Variants in ATRN observed in about 807,000 individuals in gnomAD.
ATRN encodes attractin, also known as attractin-2.
Under a neutral mutation model 178.7 loss-of-function variants are expected in ATRN, and 54 were observed. The observed-to-expected ratio is 0.30, with a 90% confidence interval of 0.24 to 0.38. The LOEUF (loss-of-function observed/expected upper bound fraction) is 0.38. Ranked by LOEUF, ATRN falls within the 10% of genes least tolerant of loss-of-function variation. The pLI is 1.00. For synonymous variants in ATRN, 636 were observed against 663.0 expected (o/e 0.96, Z 0.63); for missense variants, 1,443 against 1,815.1 (o/e 0.79, Z 3.73).
intron 1 of ATRN, among the ~76,000 whole-genome samples, chr20:3,484,261 AAC>A (rs903372472): frequency 6.6e-6 from 1 of 151,440 alleles, no homozygotes; most frequent in African/African-American, 2.4e-5. Flanking sequence ...AAAAAAAAAA[AAC>A]AACAAAGAAA....
chr20:3,497,786 C>T (rs2084901813), intron 1 of ATRN, among the ~76,000 whole-genome samples: 1 of 152,188 alleles, frequency 6.6e-6, no homozygotes, highest in African/African-American at 2.4e-5. Context: ...CTCCCCGTCA[C>T]TTTCAGGTAC....
intron 7 of ATRN, among the ~76,000 whole-genome samples, chr20:3,560,111 A>G (rs1230609091): frequency 7.9e-5 from 12 of 152,004 alleles, no homozygotes; most frequent in Admixed American, 7.2e-4. Context: ...TTTGGTGGTA[A>G]TAAATATATT....
At chr20:3,529,608 G>A (rs142047428) in intron 1 of ATRN, among the ~76,000 whole-genome samples, 14 of 152,290 alleles carry the variant, frequency 9.2e-5, no homozygotes, top group African/African-American at 2.4e-4. Context: ...CTGATCTATA[G>A]TGGGAAAGAT....
intron 24 of ATRN, among the ~76,000 whole-genome samples, chr20:3,606,226 A>C (rs1267019345): frequency 6.6e-6 from 1 of 152,104 alleles, no homozygotes; most frequent in Non-Finnish European, 1.5e-5. Flanking sequence ...TTCCCTCACC[A>C]CATCCTGAAA....
chr20:3,596,385 T>G lies in ATRN; in HGVS notation c.3425T>G (p.Val1142Gly), dbSNP rs2086529432. 1.9e-6 allele frequency: 3 copies of G among 1,613,388 alleles called. No homozygotes were observed. In the South Asian group the frequency reaches 3.3e-5, roughly 18 times the overall value. Residue 1142 changes from valine (V) to glycine (G), a missense_variant, in exon 21 of 29, where the codon GTA becomes GGA. Transcript: ENST00000262919. ...VKGDECQLCE[V>G]ENRYQGNPLR... ...TCTTTTTTCCCCCCCAGATGTGAGG[T>G]AGAAAATCGATACCAAGGAAACCCT...
rs574491905 is a variant in ATRN at position 3,531,941 on chromosome 20, G to A, written c.411-3312G>A. Among the ~76,000 whole-genome samples, 4 of 152,216 alleles carry A rather than the reference G, an allele frequency of 2.6e-5. No homozygotes were observed. In the East Asian group the frequency reaches 7.7e-4, roughly 29 times the overall value. ...CCTGTTTCCCAGCCTGGACAACATAGCAAGACTCATCTCTAAAAAACAAAA... is the reference window on the plus strand; with the variant it reads ...CCTGTTTCCCAGCCTGGACAACATAACAAGACTCATCTCTAAAAAACAAAA... On this transcript the variant is annotated intron_variant, in intron 1 of 28. Transcript: ENST00000262919.
chr20:3,500,478 C>T (rs918315488), intron 1 of ATRN, among the ~76,000 whole-genome samples: 1 of 151,380 alleles, frequency 6.6e-6, no homozygotes, highest in Non-Finnish European at 1.5e-5. Context: ...AAATGTGGCA[C>T]ATATACACCA....
chr20:3,584,125 T>G, intron 17 of ATRN, 42 bp downstream of exon 17: 2 of 1,590,610 alleles, frequency 1.3e-6, no homozygotes, highest in Admixed American at 3.4e-5. Context: ...GCATGCCCTC[T>G]GTATAGGCAA....
chr20:3,630,916 C>CTT (rs368394749), intron 25 of ATRN, among the ~76,000 whole-genome samples: 1 of 43,426 alleles, frequency 2.3e-5, no homozygotes, highest in Non-Finnish European at 4.2e-5. Context: ...ATTTATTTAG[C>CTT]TTTTTTTTTT....
chr20:3,619,588 A>G (rs1600162992), intron 24 of ATRN, among the ~76,000 whole-genome samples: 1 of 152,238 alleles, frequency 6.6e-6, no homozygotes, highest in Non-Finnish European at 1.5e-5. Context: ...CAAAAATACA[A>G]TCATTTTTAA....
In ATRN at chr20:3,634,299, C is replaced by G; in HGVS notation, c.3864-12C>G. ...GGCTGGGATAATAACTCAGTACTTT[C>G]CTTTCTCACAGTTGTTTCCTCTCTT... On this transcript the variant is annotated splice_polypyrimidine_tract_variant and intron_variant, in intron 25 of 28. Transcript: ENST00000262919. 6.2e-7 allele frequency: 1 copy of G among 1,611,338 alleles called. No individual in the cohort carries two copies. Among genetic ancestry groups the G allele is most frequent in the East Asian group, 2.2e-5 (1 of 44,858 alleles).
intron 1 of ATRN, among the ~76,000 whole-genome samples, chr20:3,481,308 T>C (rs1054046756): frequency 6.6e-5 from 10 of 152,208 alleles, no homozygotes; most frequent in African/African-American, 2.2e-4. Flanking sequence ...AATTAAAACA[T>C]TGAAAAAGTT....
chr20:3,472,683 C>T (rs1169003113), intron 1 of ATRN, among the ~76,000 whole-genome samples: 1 of 152,144 alleles, frequency 6.6e-6, no homozygotes, highest in Admixed American at 6.5e-5. Flanking sequence ...CTGAATGAGG[C>T]AACAGGGAAC....
chr20:3,603,957 A>T, intron 23 of ATRN, 148 bp from the exon 24 acceptor site: 1 of 608,640 alleles, frequency 1.6e-6, no homozygotes. Context: ...TGTGAGGATT[A>T]AATGAGATTG....
At position 3,471,230 on chromosome 20, in the gene ATRN, G is replaced by A. The variant is rs1406159908; in HGVS notation, c.123G>A (p.Pro41=). ...GGGACGTGACCAGGGCTGGGAGGCC[G>A]GGGCTGGGGGCCGGGCTGCGCCTCC... is the stretch of plus-strand genomic sequence containing the variant. The part of the protein sequence containing the change: ...WDWDVTRAGR[P]GLGAGLRLPR... The change falls in exon 1 of 29, where the codon CCG becomes CCA. Residue 41 remains proline, a synonymous_variant. Transcript: ENST00000262919. 3 of 1,453,362 alleles carry A rather than the reference G, an allele frequency of 2.1e-6. No homozygotes were observed. Among genetic ancestry groups the A allele is most frequent in the African/African-American group, 3.0e-5 (2 of 67,530 alleles). 90.0% of individuals were successfully genotyped at this position (1,453,362 alleles called of 1,614,324 possible).
intron 25 of ATRN, chr20:3,629,337 C>G: frequency 1.0e-6 from 1 of 979,728 alleles, no homozygotes; most frequent in Non-Finnish European, 1.2e-6. Context: ...GCACTCTTCT[C>G]TTCCACATTT....
intron 1 of ATRN, among the ~76,000 whole-genome samples, chr20:3,487,672 G>T (rs558316623): frequency 1.3e-4 from 20 of 152,228 alleles, no homozygotes; most frequent in African/African-American, 4.6e-4. Flanking sequence ...GAGAGTTTGT[G>T]ATTACTTCTT....
At chr20:3,492,845 A>G (rs928930060) in intron 1 of ATRN, among the ~76,000 whole-genome samples, 1 of 132,604 alleles carries the variant, frequency 7.5e-6, no homozygotes, top group Admixed American at 7.2e-5. Flanking sequence ...GGAGAGAGAG[A>G]GAGAGAGAGG....
chr20:3,609,804 G>A (rs1012644628), intron 24 of ATRN, among the ~76,000 whole-genome samples: 4 of 151,632 alleles, frequency 2.6e-5, no homozygotes, highest in Admixed American at 6.6e-5. Context: ...TGATACATGC[G>A]ACAACACAAG....
Sources: allele counts gnomAD v4.1 joint callset (sites outside exome capture counted in the v4.1 genomes callset), GRCh38; gene constraint gnomAD v4.1.1; transcripts MANE v1.5; gene names NCBI Gene and HGNC (gene_info 2026-07-23, HGNC 2026-07-21).